Variants in STAG2 observed in about 807,000 individuals in gnomAD.
The protein encoded by STAG2 is cohesin subunit SA-2.
Under a neutral mutation model 108.1 loss-of-function variants are expected in STAG2, and 14 were observed. The ratio of observed to expected loss-of-function variants is 0.13; its 90% CI spans 0.09 to 0.20. The LOEUF (loss-of-function observed/expected upper bound fraction) is 0.20. Ranked by LOEUF, STAG2 falls within the 10% of genes least tolerant of loss-of-function variation. STAG2 has a pLI of 1.00. For synonymous variants in STAG2, 307 were observed against 302.7 expected (o/e 1.01, Z -0.15); for missense variants, 440 against 940.9 (o/e 0.47, Z 6.96).
intron 1 of STAG2, among the ~76,000 whole-genome samples, chrX:123,978,541 C>T (rs906772223): frequency 9.0e-6 from 1 of 111,238 alleles, no homozygotes; most frequent in Non-Finnish European, 1.9e-5. Flanking sequence ...TTTGTGCATC[C>T]TTATAGGAAT....
chrX:124,071,993 T>C (rs1284570324), intron 25 of STAG2, among the ~76,000 whole-genome samples: 1 of 111,555 alleles, frequency 9.0e-6, no homozygotes, highest in East Asian at 2.8e-4. Context: ...GGTTTGTTTT[T>C]AGTTTGAAGG....
intron 28 of STAG2, among the ~76,000 whole-genome samples, chrX:124,083,206 T>G (rs200621493): frequency 1.9e-5 from 2 of 107,035 alleles, no homozygotes; most frequent in East Asian, 2.9e-4. Flanking sequence ...GTGTGTGTGT[T>G]TGTGTGTGTG....
At chrX:124,071,073 AT>A in intron 24 of STAG2, 75 bp from the exon 25 acceptor site, 1 of 785,840 alleles carries the variant, frequency 1.3e-6, no homozygotes, top group Non-Finnish European at 1.7e-6. Context: ...TGTGTTAAAT[AT>A]GTAAATTATT....
At chrX:123,982,962 A>G (rs1470505119) in intron 1 of STAG2, among the ~76,000 whole-genome samples, 1 of 111,127 alleles carries the variant, frequency 9.0e-6, no homozygotes, top group Non-Finnish European at 1.9e-5. Context: ...AACTGAAGTT[A>G]TATTGTTTTC....
At chrX:123,965,759 T>C (rs1453957724) in intron 1 of STAG2, among the ~76,000 whole-genome samples, 2 of 111,019 alleles carry the variant, frequency 1.8e-5, no homozygotes, top group Non-Finnish European at 1.9e-5. Context: ...TTTGGGAGGC[T>C]GAGAGGCTGA....
intron 13 of STAG2, 73 bp from the exon 14 acceptor site, chrX:124,056,055 A>G: frequency 1.7e-6 from 1 of 596,351 alleles, no homozygotes; most frequent in East Asian, 4.0e-5. Context: ...AAGTATGAGC[A>G]TAAGTTTTTG....
chrX:123,964,250 CAA>C (rs55860920), intron 1 of STAG2, among the ~76,000 whole-genome samples: 3 of 83,137 alleles, frequency 3.6e-5, no homozygotes, highest in African/African-American at 1.3e-4. Flanking sequence ...GCAAAACTTT[CAA>C]AAAAAAAAAA....
intron 5 of STAG2, among the ~76,000 whole-genome samples, chrX:124,037,070 G>A (rs1485760726): frequency 9.1e-6 from 1 of 109,961 alleles, no homozygotes; most frequent in African/African-American, 3.3e-5. Context: ...ATTGGTAGTA[G>A]AGACAAGGTT....
intron 1 of STAG2, among the ~76,000 whole-genome samples, chrX:123,996,760 G>A (rs2055756246): frequency 8.9e-6 from 1 of 111,973 alleles, no homozygotes; most frequent in Non-Finnish European, 1.9e-5. Flanking sequence ...GTATTCCATT[G>A]TATGAGTATA....
chrX:124,012,484 T>G lies in STAG2; in HGVS notation c.-162-8883T>G, dbSNP rs771514034. The stretch of plus-strand genomic sequence containing the variant: ...TATAGTGTGTTGACAAACTGAATTA[T>G]GAAAGCATATTTGATTTCTGAACTT... On this transcript the variant is annotated intron_variant, in intron 1 of 34. Transcript: ENST00000371145. Among the ~76,000 whole-genome samples the G allele has an allele frequency of 1.2e-4, 13 of 112,191 alleles. 1 individual carries two copies. In the South Asian group the frequency reaches 4.8e-3, roughly 41 times the overall value.
At chrX:124,072,086 T>C (rs763638232) in intron 25 of STAG2, among the ~76,000 whole-genome samples, 228 of 111,358 alleles carry the variant, frequency 2.0e-3, no homozygotes, top group Non-Finnish European at 3.4e-3. Flanking sequence ...TGATATTAGC[T>C]CACTGCACCC....
At chrX:124,085,296 G>A (rs751024397) in intron 29 of STAG2, among the ~76,000 whole-genome samples, 3 of 111,215 alleles carry the variant, frequency 2.7e-5, no homozygotes, top group South Asian at 3.7e-4. Flanking sequence ...GCTTTAGTGC[G>A]GGCTACTTAT....
chrX:124,012,354 A>G (rs1376109432), intron 1 of STAG2, among the ~76,000 whole-genome samples: 1 of 111,578 alleles, frequency 9.0e-6, no homozygotes, highest in African/African-American at 3.2e-5. Context: ...GAGAGAATTA[A>G]AAGAATTTTA....
At chrX:124,009,576 C>T (rs764232083) in intron 1 of STAG2, among the ~76,000 whole-genome samples, 25 of 110,936 alleles carry the variant, frequency 2.3e-4, no homozygotes, top group Non-Finnish European at 3.8e-4. Flanking sequence ...TTAGTATCAT[C>T]ACATGAGGCC....
chrX:124,093,803 GTAAT>G, intron 32 of STAG2: 1 of 382,139 alleles, frequency 2.6e-6, no homozygotes, highest in Non-Finnish European at 4.5e-6. Context: ...ATGTACTGAA[GTAAT>G]GTAGAATAAA....
chrX:124,072,284 T>G (rs2058682365), intron 25 of STAG2, among the ~76,000 whole-genome samples: 1 of 111,662 alleles, frequency 9.0e-6, no homozygotes, highest in African/African-American at 3.3e-5. Context: ...AGTTAAAACT[T>G]AAAGGAAAAT....
At chrX:124,085,298 G>T (rs568435366) in intron 29 of STAG2, among the ~76,000 whole-genome samples, 1 of 111,410 alleles carries the variant, frequency 9.0e-6, no homozygotes, top group African/African-American at 3.3e-5. Flanking sequence ...TTTAGTGCGG[G>T]CTACTTATCT....
intron 32 of STAG2, among the ~76,000 whole-genome samples, 179 bp downstream of exon 32, chrX:124,091,143 A>AC (rs2059243347): frequency 1.8e-5 from 2 of 112,087 alleles, no homozygotes; most frequent in South Asian, 7.3e-4. Context: ...TTAAAATACT[A>AC]CCTAGTTAGC....
chrX:123,977,844 T>A (rs1455880117), intron 1 of STAG2, among the ~76,000 whole-genome samples: 1 of 89,479 alleles, frequency 1.1e-5, no homozygotes, highest in African/African-American at 4.1e-5. Context: ...TTTTTTTTTT[T>A]TTTTTTTTTT....
Sources: allele counts gnomAD v4.1 joint callset (sites outside exome capture counted in the v4.1 genomes callset), GRCh38; gene constraint gnomAD v4.1.1; transcripts MANE v1.5; gene names NCBI Gene and HGNC (gene_info 2026-07-23, HGNC 2026-07-21).